Variants in VAV3 observed in about 807,000 individuals in gnomAD.
The protein encoded by VAV3 is guanine nucleotide exchange factor VAV3.
In VAV3, 94 loss-of-function variants were observed where a neutral mutation model predicts 131.2. The ratio of observed to expected loss-of-function variants is 0.72; its 90% CI spans 0.61 to 0.85. The LOEUF is 0.85. Ranked by LOEUF, VAV3 falls within the 40% of genes least tolerant of loss-of-function variation. The pLI is 0.00. For synonymous variants in VAV3, 349 were observed against 342.0 expected (o/e 1.02, Z -0.22); for missense variants, 939 against 1,002.7 (o/e 0.94, Z 0.86).
At chr1:107,892,909 C>T (rs903488127) in intron 1 of VAV3, among the ~76,000 whole-genome samples, 27 of 152,206 alleles carry the variant, frequency 1.8e-4, no homozygotes, top group African/African-American at 6.5e-4. Flanking sequence ...ACTCCTTTCT[C>T]ATGTGCCCAT....
At chr1:107,578,355 T>C (rs1649796906) in intron 25 of VAV3, among the ~76,000 whole-genome samples, 1 of 152,242 alleles carries the variant, frequency 6.6e-6, no homozygotes, top group African/African-American at 2.4e-5. Context: ...ACAACTAATT[T>C]TTATAATCAG....
intron 15 of VAV3, among the ~76,000 whole-genome samples, chr1:107,737,885 A>G (rs1427310190): frequency 6.6e-6 from 1 of 152,188 alleles, no homozygotes; most frequent in Non-Finnish European, 1.5e-5. Flanking sequence ...AAATCATGCT[A>G]CTATAAAGAC....
chr1:107,875,386 C>T (rs1194700440), intron 1 of VAV3, among the ~76,000 whole-genome samples: 1 of 152,030 alleles, frequency 6.6e-6, no homozygotes, highest in Non-Finnish European at 1.5e-5. Context: ...GGTGGGGGAA[C>T]TTAAACAGGA....
chr1:107,813,112 C>G, intron 2 of VAV3, among the ~76,000 whole-genome samples: 1 of 87,818 alleles, frequency 1.1e-5, no homozygotes, highest in Non-Finnish European at 2.8e-5. Flanking sequence ...GAGCCAGACT[C>G]CGTCTCAAAA....
intron 19 of VAV3, among the ~76,000 whole-genome samples, chr1:107,643,545 A>C (rs1189982824): frequency 6.6e-6 from 1 of 152,124 alleles, no homozygotes; most frequent in African/African-American, 2.4e-5. Flanking sequence ...AACTGCTCCC[A>C]ACTAAGAGAG....
At chr1:107,830,617 C>T (rs1268665617) in intron 2 of VAV3, among the ~76,000 whole-genome samples, 1 of 152,164 alleles carries the variant, frequency 6.6e-6, no homozygotes, top group Non-Finnish European at 1.5e-5. Context: ...TGCCTCTTTG[C>T]AGACATCCCC....
intron 2 of VAV3, among the ~76,000 whole-genome samples, chr1:107,823,124 C>T (rs1667872105): frequency 6.6e-6 from 1 of 151,866 alleles, no homozygotes. Flanking sequence ...GCTTCAAAGT[C>T]CAAAGGAGAA....
In VAV3 at chr1:107,620,052, T is replaced by C. The variant is rs10157560; in HGVS notation, c.1915-2420A>G. ...GATACATGAAGTAGTAGTGCTTTAG[T>C]AGTATTCACTCCTAGTAGTATATGT... is the stretch of plus-strand genomic sequence containing the variant. On this transcript the variant is annotated intron_variant, in intron 20 of 26. Transcript: ENST00000370056. 4.2e-3 allele frequency among the ~76,000 whole-genome samples: 646 copies of C among 152,320 alleles called. 3 individuals are homozygous for C. Among genetic ancestry groups the C allele is most frequent in the African/African-American group, 0.015 (604 of 41,574 alleles).
At chr1:107,776,613 G>C (rs2102211874) in intron 4 of VAV3, among the ~76,000 whole-genome samples, 1 of 152,334 alleles carries the variant, frequency 6.6e-6, no homozygotes, top group South Asian at 2.1e-4. Flanking sequence ...ATTTGAATCT[G>C]TCTTGGGGCA....
chr1:107,931,044 A>G (rs1430699215), intron 1 of VAV3, among the ~76,000 whole-genome samples: 2 of 152,206 alleles, frequency 1.3e-5, no homozygotes, highest in Non-Finnish European at 2.9e-5. Flanking sequence ...CCTAGAGAAA[A>G]GGACCACTAA....
At chr1:107,802,719 G>A (rs1156871021) in intron 2 of VAV3, among the ~76,000 whole-genome samples, 1 of 152,042 alleles carries the variant, frequency 6.6e-6, no homozygotes, top group Admixed American at 6.6e-5. Flanking sequence ...TCTTTTTAAT[G>A]TGTTGCTGAA....
intron 1 of VAV3, among the ~76,000 whole-genome samples, chr1:107,910,717 T>A (rs1672324806): frequency 6.6e-6 from 1 of 152,094 alleles, no homozygotes. Context: ...TGGTGGCTCA[T>A]GCCTGTAATC....
At chr1:107,744,536 T>A (rs971235165) in intron 15 of VAV3, among the ~76,000 whole-genome samples, 4 of 152,240 alleles carry the variant, frequency 2.6e-5, no homozygotes, top group Non-Finnish European at 5.9e-5. Context: ...CCACATGTGA[T>A]GCTTATGGTA....
At chr1:107,626,703 T>C (rs931161133) in intron 20 of VAV3, among the ~76,000 whole-genome samples, 1 of 152,174 alleles carries the variant, frequency 6.6e-6, no homozygotes, top group East Asian at 1.9e-4. Flanking sequence ...AATCTGAGTT[T>C]GAGACATCAT....
chr1:107,791,618 A>T (rs1259552734), intron 2 of VAV3, among the ~76,000 whole-genome samples: 2 of 152,204 alleles, frequency 1.3e-5, no homozygotes, highest in African/African-American at 4.8e-5. Flanking sequence ...CCTTCAGAGA[A>T]TATGACTCAA....
intron 2 of VAV3, among the ~76,000 whole-genome samples, chr1:107,841,368 A>G (rs182967161): frequency 1.3e-4 from 20 of 152,320 alleles, no homozygotes; most frequent in Non-Finnish European, 2.1e-4. Flanking sequence ...GAAAAAAACT[A>G]AAGCAATATA....
intron 2 of VAV3, among the ~76,000 whole-genome samples, chr1:107,833,321 A>C (rs1056297448): frequency 6.6e-6 from 1 of 152,210 alleles, no homozygotes; most frequent in African/African-American, 2.4e-5. Context: ...ACATAACTCA[A>C]GGCCCTAACT....
intron 15 of VAV3, among the ~76,000 whole-genome samples, chr1:107,739,317 T>C (rs527333181): frequency 5.3e-5 from 8 of 152,350 alleles, no homozygotes; most frequent in African/African-American, 7.2e-5. Flanking sequence ...AAACAGGCTA[T>C]TGAAAGACTC....
At chr1:107,680,284 A>T (rs1658512045) in intron 19 of VAV3, among the ~76,000 whole-genome samples, 1 of 151,990 alleles carries the variant, frequency 6.6e-6, no homozygotes, top group Admixed American at 6.6e-5. Flanking sequence ...AAGATAAGCA[A>T]AAGATCATGA....
Sources: allele counts gnomAD v4.1 joint callset (sites outside exome capture counted in the v4.1 genomes callset), GRCh38; gene constraint gnomAD v4.1.1; transcripts MANE v1.5; gene names NCBI Gene and HGNC (gene_info 2026-07-23, HGNC 2026-07-21).